The following RACGAP1 variants were observed in gnomAD, a reference collection of about 807,000 sequenced individuals.
The protein encoded by RACGAP1 is Rac GTPase activating protein 1, also known as rac GTPase-activating protein 1.
Under a neutral mutation model 78.1 loss-of-function variants are expected in RACGAP1, and 30 were observed. The observed-to-expected ratio is 0.38, with a 90% CI of 0.29 to 0.52. The LOEUF (loss-of-function observed/expected upper bound fraction) is 0.52. Ranked by LOEUF, RACGAP1 falls within the 20% of genes least tolerant of loss-of-function variation. The probability of loss-of-function intolerance (pLI) is 0.82; values close to 1 mark genes in which losing one functional copy is unlikely to be tolerated. For missense variants in RACGAP1, 587 were observed against 777.1 expected (o/e 0.76, Z 2.91); for synonymous variants, 231 against 264.8 (o/e 0.87, Z 1.24).
chr12:50,013,905 C>G (rs1449617384), intron 2 of RACGAP1, among the ~76,000 whole-genome samples: 1 of 152,182 alleles, frequency 6.6e-6, no homozygotes, highest in African/African-American at 2.4e-5. Flanking sequence ...ATTCCCTACT[C>G]TAGTCCCCAC....
chr12:50,031,831 G>T, exon 2 of RACGAP1: 1 of 825,064 alleles, frequency 1.2e-6, no homozygotes, highest in Non-Finnish European at 1.5e-6. Flanking sequence ...ACTGTTACAC[G>T]GCCTTTCACA....
At position 50,001,242 on chromosome 12, in the gene RACGAP1, C is replaced by G. The variant is rs774613359; in HGVS notation, c.560G>C (p.Ser187Thr). 6.2e-7 allele frequency: 1 copy of G among 1,609,322 alleles called. No homozygotes were observed. Among genetic ancestry groups the G allele is most frequent in the South Asian group, 1.1e-5 (1 of 90,984 alleles). ...LKKREKRRST[S>T]RQFVDGPPGP... ...AGGGGGACCATCAACAAACTGTCGG[C>G]TAGTAGAGCGCTAGAAAGGAGACAA... Residue 187 changes from serine to threonine, a missense_variant, in exon 7 of 17, where the codon AGC (serine) becomes ACC (threonine). Coordinates refer to ENST00000312377, the MANE Select transcript of RACGAP1 (RefSeq NM_001319999.2).
chr12:50,002,280 C>G lies in RACGAP1; in HGVS notation c.516G>C (p.Val172=), dbSNP rs1178695618. 4 of 1,613,638 alleles carry G rather than the reference C, an allele frequency of 2.5e-6. No homozygotes were observed. The East Asian group carries it at 8.9e-5, about 36-fold the overall frequency. ...DESLDWDSSL[V]KTFKLKKREK... ...CTCTCTTCTTCAGTTTGAAAGTCTT[C>G]ACCAAAGAAGAGTCCCAATCCTGTT... The change falls in exon 6 of 17, where the codon GTG becomes GTC. Residue 172 remains valine, a synonymous_variant. Coordinates refer to ENST00000312377, the MANE Select transcript of RACGAP1 (RefSeq NM_001319999.2).
intron 2 of RACGAP1, among the ~76,000 whole-genome samples, chr12:50,012,513 A>G (rs1172111328): frequency 6.6e-6 from 1 of 152,048 alleles, no homozygotes; most frequent in Non-Finnish European, 1.5e-5. Flanking sequence ...GTAAGCCACG[A>G]TTGTGCCATT....
intron 15 of RACGAP1, 91 bp from the exon 16 acceptor site, chr12:49,990,883 A>G: frequency 4.4e-6 from 4 of 911,284 alleles, no homozygotes; most frequent in Non-Finnish European, 7.0e-6. Flanking sequence ...CCTCTGAAGC[A>G]CTTAAGAGCT....
chr12:50,018,456 A>C, intron 1 of RACGAP1: 65 of 996,200 alleles, frequency 6.5e-5, no homozygotes, highest in Non-Finnish European at 8.4e-5. Flanking sequence ...ACCGGCAGGA[A>C]GAGCTGTGGA....
intron 2 of RACGAP1, among the ~76,000 whole-genome samples, chr12:50,009,946 C>T (rs1949209599): frequency 6.6e-6 from 1 of 152,222 alleles, no homozygotes. Flanking sequence ...TATTTTGATA[C>T]TTGTACTATC....
At chr12:50,020,406 ACTC>A (rs1211530104) in intron 1 of RACGAP1, among the ~76,000 whole-genome samples, 1 of 151,642 alleles carries the variant, frequency 6.6e-6, no homozygotes, top group Non-Finnish European at 1.5e-5. Flanking sequence ...CTGGTCTCGA[ACTC>A]CTGACCTCTA....
chr12:50,027,718 C>T (rs900906869), upstream of RACGAP1, among the ~76,000 whole-genome samples: 21 of 152,168 alleles, frequency 1.4e-4, no homozygotes, highest in African/African-American at 4.1e-4. Flanking sequence ...CCCAGCTACT[C>T]GGGAGGCTGA....
intron 2 of RACGAP1, among the ~76,000 whole-genome samples, chr12:50,008,508 C>T (rs1949114082): frequency 6.7e-6 from 1 of 150,196 alleles, no homozygotes; most frequent in South Asian, 2.1e-4. Flanking sequence ...CTACTTTTCA[C>T]TTTTGAGACA....
upstream of RACGAP1, among the ~76,000 whole-genome samples, chr12:50,026,319 G>A (rs914514244): frequency 2.7e-5 from 4 of 150,426 alleles, no homozygotes; most frequent in East Asian, 7.8e-4. Context: ...TTAAAGGAAA[G>A]ATCACTTACT....
chr12:49,992,519 A>G, intron 13 of RACGAP1, 31 bp downstream of exon 13: 1 of 1,600,938 alleles, frequency 6.2e-7, no homozygotes, highest in Non-Finnish European at 8.5e-7. Context: ...AAAATTCCCT[A>G]ACTCCCAGAA....
chr12:49,998,173 C>T (rs530343495), intron 9 of RACGAP1, among the ~76,000 whole-genome samples: 26 of 151,916 alleles, frequency 1.7e-4, no homozygotes, highest in Admixed American at 5.2e-4. Context: ...GAGGCTGAGG[C>T]GGGAGGATCA....
In RACGAP1 at chr12:50,025,470, G is replaced by T. The variant is rs367664098; in HGVS notation, c.-77C>A. On this transcript the variant is annotated 5_prime_UTR_variant, in exon 1 of 17. Coordinates refer to ENST00000312377, the MANE Select transcript of RACGAP1 (RefSeq NM_001319999.2). Reference sequence around the variant, plus strand: ...CCTCACCCAACGGCAGAGCAGCGCCGCGCCCACAGCTCCGGTTTGAAAACC... The same window carrying T: ...CCTCACCCAACGGCAGAGCAGCGCCTCGCCCACAGCTCCGGTTTGAAAACC... 1 of 985,660 alleles carries T rather than the reference G, an allele frequency of 1.0e-6. No individual in the cohort carries two copies. The highest frequency in any genetic ancestry group is 1.2e-6 in the Non-Finnish European group (1 of 830,136). 61.1% of individuals were successfully genotyped at this position (985,660 alleles called of 1,614,324 possible).
chr12:49,991,457 T>TTATATATAAATA (rs1947837159), intron 15 of RACGAP1, among the ~76,000 whole-genome samples: 1 of 27,402 alleles, frequency 3.6e-5, no homozygotes, highest in East Asian at 2.1e-3. Context: ...ATTTAAACTA[T>TTATATATAAATA]TATATATATA....
intron 1 of RACGAP1, among the ~76,000 whole-genome samples, chr12:50,021,616 C>A (rs1950014322): frequency 6.6e-6 from 1 of 152,212 alleles, no homozygotes; most frequent in African/African-American, 2.4e-5. Context: ...CTCCTTCAAA[C>A]AACATTATTA....
At position 50,002,105 on chromosome 12, in the gene RACGAP1, TCCC is replaced by T; in HGVS notation, c.549+139_549+141del. 5.8e-6 allele frequency: 3 copies of T among 515,674 alleles called. No individual in the cohort carries two copies. The South Asian group carries it at 9.3e-5, about 16-fold the overall frequency. 31.9% of individuals were successfully genotyped at this position (515,674 alleles called of 1,614,324 possible). ...AAAAAAAAAAAGAATATCAATACTG[TCCC>T]CACAGCATGAATTCATCTGTAGTAT... On this transcript the variant is annotated intron_variant, in intron 6 of 16. Transcript: ENST00000312377.
intron 2 of RACGAP1, among the ~76,000 whole-genome samples, chr12:50,015,733 C>T (rs760609301): frequency 4.0e-5 from 6 of 151,092 alleles, no homozygotes; most frequent in Non-Finnish European, 7.4e-5. Context: ...ACCCAGGAGG[C>T]GGAGCTTGCA....
chr12:50,012,343 G>A (rs575230580), intron 2 of RACGAP1, among the ~76,000 whole-genome samples: 11 of 151,566 alleles, frequency 7.3e-5, no homozygotes, highest in African/African-American at 2.2e-4. Flanking sequence ...GGTGGTTCAC[G>A]AGGTCAGGAG....
Sources: allele counts gnomAD v4.1 joint callset (sites outside exome capture counted in the v4.1 genomes callset), GRCh38; gene constraint gnomAD v4.1.1; transcripts MANE v1.5; gene names NCBI Gene and HGNC (gene_info 2026-07-23, HGNC 2026-07-21).